Variants in WWP2 observed in about 807,000 individuals in gnomAD.
WWP2 encodes the protein WW domain containing E3 ubiquitin protein ligase 2, also known as NEDD4-like E3 ubiquitin-protein ligase WWP2.
WWP2 carries 57 observed loss-of-function variants against 121.0 expected under a neutral mutation model. That is an observed-to-expected ratio of 0.47 (90% CI 0.38 to 0.59). The LOEUF (loss-of-function observed/expected upper bound fraction) is 0.59. WWP2 is among the 20% of genes least tolerant of loss of function. The pLI, the probability that WWP2 is intolerant of heterozygous loss-of-function variation, is 0.00. For synonymous variants in WWP2, 449 were observed against 441.3 expected, an observed-to-expected ratio of 1.02 and a Z score of -0.22; for missense variants, 962 against 1,158.9, an observed-to-expected ratio of 0.83 and a Z score of 2.47.
intron 17 of WWP2, among the ~76,000 whole-genome samples, chr16:69,934,522 A>G (rs529675467): frequency 6.6e-6 from 1 of 151,928 alleles, no homozygotes; most frequent in East Asian, 2.0e-4. Flanking sequence ...TGAACATTAA[A>G]TATGTGCTCT....
rs2058713019 is a variant in WWP2, at chr16:69,931,523, T to G, written c.1536T>G (p.Pro512=). ...TTTTTTTTCAGTCAAATGCCCTACC[T>G]AGCCACGTGAAGATCAGCGTTTCCA... The part of the protein sequence containing the change: ...FRFLCHSNAL[P]SHVKISVSRQ... Residue 512 remains proline (P), a synonymous_variant, in exon 15 of 24, where the codon CCT becomes CCG. Coordinates refer to ENST00000359154, the MANE Select transcript of WWP2 (RefSeq NM_001270454.2). The G allele has an allele frequency of 6.2e-7, 1 of 1,613,480 alleles. No individual in the cohort carries two copies. The highest frequency in any genetic ancestry group is 8.5e-7 in the Non-Finnish European group (1 of 1,179,798).
At chr16:69,827,745 G>T (rs2056728019) in intron 4 of WWP2, 1 of 373,220 alleles carries the variant, frequency 2.7e-6, no homozygotes, top group African/African-American at 2.1e-5. Flanking sequence ...TTGGAGCCAG[G>T]CAGGGCCTGG....
chr16:69,916,519 G>A (rs570270125), intron 9 of WWP2, among the ~76,000 whole-genome samples: 2 of 152,260 alleles, frequency 1.3e-5, no homozygotes, highest in South Asian at 2.1e-4. Context: ...GTTAATTCTG[G>A]GGTAGGAGCA....
chr16:69,848,166 C>T (rs910286164), intron 6 of WWP2, among the ~76,000 whole-genome samples: 21 of 152,156 alleles, frequency 1.4e-4, no homozygotes, highest in Non-Finnish European at 2.8e-4. Flanking sequence ...GTCAGCTGGG[C>T]GCAGTGGCTC....
At chr16:69,927,361 C>A (rs2058654738) in intron 11 of WWP2, among the ~76,000 whole-genome samples, 1 of 152,204 alleles carries the variant, frequency 6.6e-6, no homozygotes, top group Non-Finnish European at 1.5e-5. Flanking sequence ...CCCGCATCTT[C>A]CCCACACACT....
chr16:69,790,479 C>T (rs948231438), intron 2 of WWP2, among the ~76,000 whole-genome samples: 1 of 152,128 alleles, frequency 6.6e-6, no homozygotes, highest in African/African-American at 2.4e-5. Flanking sequence ...TTTGCTATCT[C>T]TTGGGTGGCA....
intron 4 of WWP2, among the ~76,000 whole-genome samples, chr16:69,817,790 C>T (rs1476932608): frequency 6.6e-6 from 1 of 151,036 alleles, no homozygotes; most frequent in Non-Finnish European, 1.5e-5. Flanking sequence ...TTCCGAGTAG[C>T]TGAGATTACA....
At chr16:69,837,599 C>T (rs2056899182) in intron 4 of WWP2, among the ~76,000 whole-genome samples, 1 of 152,108 alleles carries the variant, frequency 6.6e-6, no homozygotes, top group Non-Finnish European at 1.5e-5. Flanking sequence ...AACAAGAGGC[C>T]TTGGGTTCCT....
At chr16:69,855,992 C>T (rs971584412) in intron 6 of WWP2, among the ~76,000 whole-genome samples, 1 of 152,140 alleles carries the variant, frequency 6.6e-6, no homozygotes, top group Non-Finnish European at 1.5e-5. Flanking sequence ...TGGTCTGAAG[C>T]CAGGCACAGT....
chr16:69,880,531 G>A (rs186670534), intron 7 of WWP2, among the ~76,000 whole-genome samples: 4 of 152,230 alleles, frequency 2.6e-5, no homozygotes, highest in East Asian at 3.9e-4. Flanking sequence ...TATATACACC[G>A]GGGAAGGATT....
chr16:69,905,339 C>T (rs2058273480), intron 8 of WWP2, among the ~76,000 whole-genome samples: 2 of 152,180 alleles, frequency 1.3e-5, no homozygotes, highest in Non-Finnish European at 2.9e-5. Flanking sequence ...GGGGCCAGCC[C>T]TCCTAGTGGT....
intron 4 of WWP2, among the ~76,000 whole-genome samples, chr16:69,802,551 C>T (rs1278800680): frequency 1.3e-5 from 2 of 151,828 alleles, no homozygotes; most frequent in Non-Finnish European, 1.5e-5. Flanking sequence ...AGCATAATGT[C>T]CTCAAGGCTT....
rs188553166 is a variant in WWP2 at position 69,786,428 on chromosome 16, T to C, written c.-15-568T>C. On this transcript the variant is annotated intron_variant, in intron 1 of 23. Transcript: ENST00000359154. ...GCTGGGGATTACAGGCATGAGCCAC[T>C]GCGCCCAGCCAATCTTTTTTTTTTT... Among the ~76,000 whole-genome samples the C allele has an allele frequency of 1.9e-3, 278 of 146,962 alleles. 5 individuals are homozygous for C. Among genetic ancestry groups the C allele is most frequent in the African/African-American group, 6.5e-3 (256 of 39,504 alleles).
At chr16:69,917,927 C>CA in intron 10 of WWP2, 44 bp downstream of exon 10, 1 of 1,567,556 alleles carries the variant, frequency 6.4e-7, no homozygotes, top group African/African-American at 1.5e-5. Flanking sequence ...CGCCTCCCTG[C>CA]GCTTGCGAAT....
chr16:69,859,955 C>T lies in WWP2; in HGVS notation c.576-11849C>T, dbSNP rs559306952. The stretch of plus-strand genomic sequence containing the variant: ...TGACGACATACTCAAGGGTGTGGCA[C>T]CTTGTCATATTCACAGGTTTTAGGC... On this transcript the variant is annotated intron_variant, in intron 6 of 23. Transcript: ENST00000359154. 2.6e-4 allele frequency among the ~76,000 whole-genome samples: 39 copies of T among 149,418 alleles called. 1 individual carries two copies. In the South Asian group the frequency reaches 7.9e-3, roughly 30 times the overall value.
intron 1 of WWP2, among the ~76,000 whole-genome samples, chr16:69,776,948 C>T (rs564042642): frequency 6.6e-6 from 1 of 152,016 alleles, no homozygotes; most frequent in South Asian, 2.1e-4. Context: ...AAAACCCTAC[C>T]TTAGATGGGA....
At position 69,934,130 on chromosome 16, in the gene WWP2, G is replaced by A; in HGVS notation, c.1842+1G>A. On this transcript the variant is annotated splice_donor_variant, in intron 17 of 23. Coordinates refer to ENST00000359154, the MANE Select transcript of WWP2 (RefSeq NM_001270454.2). LOFTEE classifies it high-confidence loss of function. ...CTTTATAGGCAGATTCATCGCCATG[G>A]TAAGGGGGCCCCAGGGGTCTGCCTA... The A allele has an allele frequency of 3.1e-6, 5 of 1,614,118 alleles. No homozygotes were observed. Among genetic ancestry groups the A allele is most frequent in the Non-Finnish European group, 3.4e-6 (4 of 1,179,998 alleles).
intron 4 of WWP2, chr16:69,838,985 C>T (rs2151869020): frequency 3.1e-6 from 2 of 655,556 alleles, no homozygotes; most frequent in South Asian, 6.9e-5. Flanking sequence ...GGATTTAGAG[C>T]AGTCTTTTTT....
chr16:69,936,939 C>G, intron 19 of WWP2, 179 bp from the exon 20 acceptor site: 1 of 747,316 alleles, frequency 1.3e-6, no homozygotes, highest in Non-Finnish European at 2.1e-6. Flanking sequence ...CCGGTGTCTG[C>G]AGGTCACTGT....
Sources: gnomAD v4.1 joint callset for allele counts (sites outside exome capture counted in the v4.1 genomes callset) on GRCh38, gnomAD v4.1.1 for gene constraint, MANE v1.5 for transcripts, NCBI Gene and HGNC (gene_info 2026-07-23, HGNC 2026-07-21) for gene names.